Variants in GPR141 observed in about 807,000 individuals in gnomAD.
The protein encoded by GPR141 is probable G protein-coupled receptor 141.
Under a neutral mutation model 6.8 loss-of-function variants are expected in GPR141, and 6 were observed. The ratio of observed to expected loss-of-function variants is 0.88; its 90% CI spans 0.48 to 1.74. GPR141 has a LOEUF of 1.74. Among genes scored for constraint, GPR141 ranks in the 40% most tolerant of loss-of-function variants. The pLI is 0.01. For missense variants in GPR141, 372 were observed against 372.9 expected (o/e 1.00, Z 0.02); for synonymous variants, 140 against 142.3 (o/e 0.98, Z 0.11).
At chr7:37,736,944 G>A (rs993745580) in intron 2 of GPR141, among the ~76,000 whole-genome samples, 5 of 152,122 alleles carry the variant, frequency 3.3e-5, no homozygotes, top group Admixed American at 6.5e-5. Flanking sequence ...ATAATATTGT[G>A]TGGGGTTTAA....
intron 2 of GPR141, among the ~76,000 whole-genome samples, chr7:37,696,525 C>CA (rs1810023390): frequency 1.3e-5 from 2 of 152,010 alleles, no homozygotes; most frequent in African/African-American, 2.4e-5. Flanking sequence ...GCCTGGCATT[C>CA]AACCACCTCA....
intron 2 of GPR141, among the ~76,000 whole-genome samples, chr7:37,733,671 C>CAAAAAA (rs55943222): frequency 7.9e-5 from 8 of 101,264 alleles, no homozygotes; most frequent in East Asian, 2.6e-4. Context: ...AACTCCATCT[C>CAAAAAA]AAAAAAAAAA....
intron 2 of GPR141, among the ~76,000 whole-genome samples, chr7:37,686,841 A>G (rs1173171585): frequency 6.6e-6 from 1 of 152,154 alleles, no homozygotes; most frequent in Non-Finnish European, 1.5e-5. Flanking sequence ...AAATTTGTGG[A>G]ATTTAATTAA....
At chr7:37,698,545 T>C (rs2131748243) in intron 2 of GPR141, among the ~76,000 whole-genome samples, 1 of 152,302 alleles carries the variant, frequency 6.6e-6, no homozygotes, top group African/African-American at 2.4e-5. Context: ...ATTTGGGTTT[T>C]GGTTGGGTAA....
rs142605897 is a variant in GPR141 at position 37,717,722 on chromosome 7, A to G, written c.-14-22658A>G. Among the ~76,000 whole-genome samples the G allele has an allele frequency of 2.1e-3, 315 of 152,188 alleles. 2 individuals are homozygous for G. The highest frequency in any genetic ancestry group is 7.2e-3 in the African/African-American group (300 of 41,506). On this transcript the variant is annotated intron_variant, in intron 2 of 2. Coordinates refer to ENST00000334425, the MANE Select transcript of GPR141 (RefSeq NM_001381946.1). Reference sequence around the variant, plus strand: ...ATGCTCTGATGCACTATCTTATTTTACCTTCATGAATTTCTACAACATGCA... The same window carrying G: ...ATGCTCTGATGCACTATCTTATTTTGCCTTCATGAATTTCTACAACATGCA...
At position 37,706,581 on chromosome 7, in the gene GPR141, C is replaced by T. The variant is rs529684882; in HGVS notation, c.-15+20998C>T. The stretch of plus-strand genomic sequence containing the variant: ...GCTCATCTGGAAGCGTTAAAGAATT[C>T]ACAAATCAATGGCAAAAATAACTTT... On this transcript the variant is annotated intron_variant, in intron 2 of 2. Transcript: ENST00000334425. Among the ~76,000 whole-genome samples, 279 of 152,074 alleles carry T rather than the reference C, an allele frequency of 1.8e-3. No homozygotes were observed. In the Middle Eastern group the frequency reaches 0.02, roughly 11 times the overall value.
rs1812562638 is a variant in GPR141, at chr7:37,741,499, C to G, written c.*188C>G. The G allele has an allele frequency of 1.9e-6, 1 of 528,522 alleles. No individual in the cohort carries two copies. The highest frequency in any genetic ancestry group is 1.9e-5 in the African/African-American group (1 of 51,864). 32.7% of individuals were successfully genotyped at this position (528,522 alleles called of 1,614,324 possible). On this transcript the variant is annotated 3_prime_UTR_variant, in exon 3 of 3. Coordinates refer to ENST00000334425, the MANE Select transcript of GPR141 (RefSeq NM_001381946.1). ...ATCCCTCCCATCTCTGAGTGATGGC[C>G]GTACAAAGACCAGTGTTGTTGAATC...
chr7:37,701,238 G>C (rs2131756204), intron 2 of GPR141, among the ~76,000 whole-genome samples: 1 of 152,182 alleles, frequency 6.6e-6, no homozygotes, highest in South Asian at 2.1e-4. Flanking sequence ...TCTTTCTCCA[G>C]TACCTCATTG....
intron 2 of GPR141, among the ~76,000 whole-genome samples, chr7:37,719,521 A>G (rs1811213330): frequency 6.6e-6 from 1 of 152,134 alleles, no homozygotes; most frequent in Non-Finnish European, 1.5e-5. Context: ...GTCCTCTCCC[A>G]TCTTATATGG....
intron 2 of GPR141, among the ~76,000 whole-genome samples, chr7:37,706,158 T>G (rs575220813): frequency 6.6e-6 from 1 of 152,318 alleles, no homozygotes; most frequent in African/African-American, 2.4e-5. Context: ...AAATAATGGC[T>G]TCTCTTCAGT....
At chr7:37,692,181 G>A (rs1186382433) in intron 2 of GPR141, among the ~76,000 whole-genome samples, 1 of 151,142 alleles carries the variant, frequency 6.6e-6, no homozygotes, top group East Asian at 2.0e-4. Context: ...AGTGTGTGAT[G>A]TTCCCCTCCC....
intron 2 of GPR141, among the ~76,000 whole-genome samples, chr7:37,727,922 G>T (rs1427588819): frequency 6.6e-6 from 1 of 152,202 alleles, no homozygotes; most frequent in Non-Finnish European, 1.5e-5. Flanking sequence ...GTAAATATGG[G>T]AATCCTCATG....
At position 37,726,361 on chromosome 7, in the gene GPR141, A is replaced by G. The variant is rs1811624199; in HGVS notation, c.-14-14019A>G. On this transcript the variant is annotated intron_variant, in intron 2 of 2. Coordinates refer to ENST00000334425, the MANE Select transcript of GPR141 (RefSeq NM_001381946.1). ...AGTTGGGAATAGGGGAGTTAGGAGT[A>G]AAAAATGGGAGAATTCATGGGCTTG... 2.0e-5 allele frequency among the ~76,000 whole-genome samples: 3 copies of G among 152,224 alleles called. No homozygotes were observed. In the South Asian group the frequency reaches 6.2e-4, roughly 31 times the overall value.
intron 2 of GPR141, chr7:37,729,769 C>T (rs1394195508): frequency 1.3e-5 from 2 of 151,958 alleles, no homozygotes; most frequent in African/African-American, 4.8e-5. Flanking sequence ...AGAGAAAGCG[C>T]AATGAAGATA....
At chr7:37,730,410 C>G (rs1262533528) in intron 2 of GPR141, among the ~76,000 whole-genome samples, 2 of 152,188 alleles carry the variant, frequency 1.3e-5, no homozygotes, top group Non-Finnish European at 2.9e-5. Context: ...GTGCCTGTGT[C>G]CCAAAGCTCA....
intron 2 of GPR141, among the ~76,000 whole-genome samples, chr7:37,714,482 C>G (rs1016485121): frequency 2.6e-5 from 4 of 152,128 alleles, no homozygotes; most frequent in Non-Finnish European, 5.9e-5. Context: ...TACTATGCAG[C>G]CATACGGCCC....
chr7:37,685,748 A>AGT (rs1809478383), intron 2 of GPR141, among the ~76,000 whole-genome samples, 165 bp downstream of exon 2: 1 of 141,712 alleles, frequency 7.1e-6, no homozygotes. Context: ...TGTGCCTGGC[A>AGT]GCACTTTTTT....
At chr7:37,722,923 T>TTCCTTCC (rs1811410475) in intron 2 of GPR141, among the ~76,000 whole-genome samples, 22 of 112,238 alleles carry the variant, frequency 2.0e-4, no homozygotes, top group South Asian at 1.3e-3. Context: ...TTCTTTTTCC[T>TTCCTTCC]TTCCTTCCTT....
chr7:37,727,869 A>C (rs144901909), intron 2 of GPR141, among the ~76,000 whole-genome samples: 51 of 152,328 alleles, frequency 3.3e-4, no homozygotes, highest in African/African-American at 1.1e-3. Flanking sequence ...ATCCCTCATA[A>C]TTTTCAGAAT....
Sources: gnomAD v4.1 joint callset for allele counts (sites outside exome capture counted in the v4.1 genomes callset) on GRCh38, gnomAD v4.1.1 for gene constraint, MANE v1.5 for transcripts, NCBI Gene and HGNC (gene_info 2026-07-23, HGNC 2026-07-21) for gene names.